ASB10: variants seen among roughly 807,000 people sequenced by gnomAD.
ASB10 encodes the protein ankyrin repeat and SOCS box containing 10.
In ASB10, 44 loss-of-function variants were observed where a neutral mutation model predicts 35.4. That is an observed-to-expected ratio of 1.24 (90% confidence interval 0.98 to 1.60). ASB10 has a LOEUF of 1.60. ASB10 is among the 40% of genes most tolerant of loss of function. The pLI, the probability that ASB10 is intolerant of heterozygous loss-of-function variation, is 0.00. For synonymous variants in ASB10, 294 were observed against 280.4 expected (o/e 1.05, Z -0.49); for missense variants, 647 against 634.3 (o/e 1.02, Z -0.22).
At position 151,176,013 on chromosome 7, in the gene ASB10, G is replaced by A. The variant is rs973524161; in HGVS notation, c.*1-47C>T. ...CAGAGGCTTCTGGTGGTTCGGGGACGGGCCGGTTCTGGCTAGGGCCCTCCC... is the reference window on the plus strand; with the variant it reads ...CAGAGGCTTCTGGTGGTTCGGGGACAGGCCGGTTCTGGCTAGGGCCCTCCC... On this transcript the variant is annotated intron_variant, in intron 5 of 5. Coordinates refer to ENST00000420175, the MANE Select transcript of ASB10 (RefSeq NM_001142459.2). 3.5e-5 allele frequency: 49 copies of A among 1,383,832 alleles called. No homozygotes were observed. The East Asian group carries it at 8.6e-4, about 24-fold the overall frequency. The allele number at this position is 1,383,832 out of a possible 1,614,324, so 85.7% of individuals were successfully genotyped here. A position where few individuals can be genotyped will look rare whatever the true frequency, so the allele number is the denominator to read the frequency against.
At chr7:151,179,091 C>T (rs1369134296) in intron 3 of ASB10, among the ~76,000 whole-genome samples, 1 of 152,202 alleles carries the variant, frequency 6.6e-6, no homozygotes, top group African/African-American at 2.4e-5. Context: ...TGGGATGATG[C>T]CAAGCAGCTT....
chr7:151,176,749 G>T, intron 3 of ASB10, 73 bp from the exon 4 acceptor site: 1 of 1,112,398 alleles, frequency 9.0e-7, no homozygotes, highest in Non-Finnish European at 1.3e-6. Flanking sequence ...AATAGTTGTT[G>T]TGGGTTGAAC....
rs1255123697 is a variant in ASB10, at chr7:151,176,342, GT to G, written c.1219-46del. ...CTCAGTGAGAGGCAGCCTCAGACAG[GT>G]AGCACCGGCTCCTCCTCACAGGGTA... On this transcript the variant is annotated intron_variant, in intron 4 of 5. Transcript: ENST00000420175. 3.1e-5 allele frequency: 47 copies of G among 1,515,378 alleles called. No homozygotes were observed. In the Admixed American group the frequency reaches 8.1e-4, roughly 26 times the overall value. 93.9% of individuals were successfully genotyped at this position (1,515,378 alleles called of 1,614,324 possible).
Position 151,175,839 on chromosome 7 carries a change from A to C in ASB10, c.*128T>G. ...TCCGCTTCTCTGCATTGGGAATTGCAGCATCCACACCTGCCTGCGGAGCTG... is the reference window on the plus strand; with the variant it reads ...TCCGCTTCTCTGCATTGGGAATTGCCGCATCCACACCTGCCTGCGGAGCTG... On this transcript the variant is annotated 3_prime_UTR_variant, in exon 6 of 6. Coordinates refer to ENST00000420175, the MANE Select transcript of ASB10 (RefSeq NM_001142459.2). 1 of 470,896 alleles carries C rather than the reference A, an allele frequency of 2.1e-6. No homozygotes were observed. Among genetic ancestry groups the C allele is most frequent in the East Asian group, 3.7e-5 (1 of 27,300 alleles). The allele number at this position is 470,896 out of a possible 1,614,324, so 29.2% of individuals were successfully genotyped here. A position where few individuals can be genotyped will look rare whatever the true frequency, so the allele number is the denominator to read the frequency against.
rs1336760873 is a variant in ASB10 at position 151,180,941 on chromosome 7, T to G, written c.1102A>C (p.Lys368Gln). ...CCTGCTGCCTGCAGCCCCCATACCT[T>G]GGGGAGGGCCCCTGGCCAGACACGG... is the stretch of plus-strand genomic sequence containing the variant. ...AVRVWPGALPKVLERWSTCPR... is the reference protein window; with the variant it reads ...AVRVWPGALPQVLERWSTCPR... The change falls in exon 3 of 6, where the codon AAG (lysine) becomes CAG (glutamine). Residue 368 changes from lysine to glutamine, a missense_variant and splice_region_variant. By Grantham distance (53) the Lys-to-Gln change is moderately conservative. Coordinates refer to ENST00000420175, the MANE Select transcript of ASB10 (RefSeq NM_001142459.2). The G allele has an allele frequency of 3.9e-6, 6 of 1,527,058 alleles. No individual in the cohort carries two copies. The highest frequency in any genetic ancestry group is 5.3e-6 in the Non-Finnish European group (6 of 1,134,196). The allele number at this position is 1,527,058 out of a possible 1,614,324, so 94.6% of individuals were successfully genotyped here. A position where few individuals can be genotyped will look rare whatever the true frequency, so the allele number is the denominator to read the frequency against.
chr7:151,182,211 C>A (rs1414284534), intron 2 of ASB10, among the ~76,000 whole-genome samples: 1 of 152,080 alleles, frequency 6.6e-6, no homozygotes, highest in African/African-American at 2.4e-5. Flanking sequence ...GATCTGCATG[C>A]TGGGACTGGA....
At position 151,176,165 on chromosome 7, in the gene ASB10, G is replaced by T. The variant is rs773441149; in HGVS notation, c.1351C>A (p.Pro451Thr). ...TGCAGGTAGCGGAGCAGGCGCGGTG[G>T]CAGGGGGAGGCGGGGCAGCGCTTGG... is the stretch of plus-strand genomic sequence containing the variant. ...LPQALPRLPL[P>T]PRLLRYLQLD... is the part of the protein sequence containing the mutation. Residue 451 changes from proline (P) to threonine (T), a missense_variant, in exon 5 of 6, where the codon CCA becomes ACA. Coordinates refer to ENST00000420175, the MANE Select transcript of ASB10 (RefSeq NM_001142459.2). 3.1e-6 allele frequency: 5 copies of T among 1,611,704 alleles called. No homozygotes were observed. The highest frequency in any genetic ancestry group is 1.7e-5 in the Admixed American group (1 of 59,988).
At chr7:151,176,372 TGGTGAGG>T in intron 4 of ASB10, 75 bp from the exon 5 acceptor site, 1 of 1,493,688 alleles carries the variant, frequency 6.7e-7, no homozygotes, top group South Asian at 1.4e-5. Flanking sequence ...CAGGGTAGGC[TGGTGAGG>T]GGTGGGGCAT....
At chr7:151,187,527 A>T (rs972142753), upstream of ASB10, 14 of 1,551,308 alleles carry the variant, frequency 9.0e-6, no homozygotes, top group Admixed American at 3.9e-5. This position sits in a 1 kb window ranked among gnomAD's most constrained non-coding sequence, Gnocchi z 5.3. Context: ...TGCGGGGGGA[A>T]CAGCTCCTGC....
chr7:151,186,994 A>G lies in ASB10; in HGVS notation c.137T>C (p.Ile46Thr), dbSNP rs771272200. The change falls in exon 1 of 6, where the codon ATC (isoleucine) becomes ACC (threonine). Residue 46 changes from isoleucine (I) to threonine (T), a missense_variant. Transcript: ENST00000420175. ...AGGTCCTGAGGCTGTGCGGGTGACG[A>G]TGGGTCCCGGGCCAGACTTGAGGTG... ...EEHLKSGPGPIVTRTASGPAL... is the reference protein window; with the variant it reads ...EEHLKSGPGPTVTRTASGPAL... 2 of 1,611,594 alleles carry G rather than the reference A, an allele frequency of 1.2e-6. No homozygotes were observed. Among genetic ancestry groups the G allele is most frequent in the East Asian group, 2.2e-5 (1 of 44,768 alleles).
chr7:151,179,466 A>G (rs1234522135), intron 3 of ASB10, among the ~76,000 whole-genome samples: 1 of 152,236 alleles, frequency 6.6e-6, no homozygotes, highest in East Asian at 1.9e-4. Context: ...CCATCCTGTT[A>G]GGGAGAGGCT....
At position 151,186,909 on chromosome 7, in the gene ASB10, G is replaced by C; in HGVS notation, c.222C>G (p.Leu74=). The change falls in exon 1 of 6, where the codon CTC becomes CTG. Residue 74 remains leucine (L), a synonymous_variant. Transcript: ENST00000420175. Reference sequence around the variant, plus strand: ...GAGCCAGGCCAGTACTGGAGTCCGCGAGGATGCGGGAGACACAGCCCACGT... The same window carrying C: ...GAGCCAGGCCAGTACTGGAGTCCGCCAGGATGCGGGAGACACAGCCCACGT... ...AGDVGCVSRI[L]ADSSTGLAPD... is the part of the protein sequence containing the mutation. 6.2e-7 allele frequency: 1 copy of C among 1,614,024 alleles called. No homozygotes were observed. Among genetic ancestry groups the C allele is most frequent in the Non-Finnish European group, 8.5e-7 (1 of 1,180,030 alleles).
At position 151,184,371 on chromosome 7, in the gene ASB10, C is replaced by T. The variant is rs571002897; in HGVS notation, c.584+2021G>A. Among the ~76,000 whole-genome samples the T allele has an allele frequency of 4.0e-5, 6 of 150,858 alleles. No homozygotes were observed. The South Asian group carries it at 1.3e-3, about 32-fold the overall frequency. On this transcript the variant is annotated intron_variant, in intron 2 of 5. Coordinates refer to ENST00000420175, the MANE Select transcript of ASB10 (RefSeq NM_001142459.2). ...GAGCTTGCAGTGAGCCGATATCACG[C>T]CACTGCACTCCAGCCTGGGCGACAG... is the stretch of plus-strand genomic sequence containing the variant.
chr7:151,177,510 A>G (rs930370988), intron 3 of ASB10, among the ~76,000 whole-genome samples: 5 of 150,970 alleles, frequency 3.3e-5, no homozygotes, highest in East Asian at 3.9e-4. Context: ...GGGGTCCCTG[A>G]CCTGTGGCTG....
rs1049570696 is a variant in ASB10, at chr7:151,176,771, A to G, written c.1105-95T>C. The G allele has an allele frequency of 1.0e-4, 89 of 872,020 alleles. No individual in the cohort carries two copies. The African/African-American group carries it at 1.3e-3, about 13-fold the overall frequency. The allele number at this position is 872,020 out of a possible 1,614,324, so 54.0% of individuals were successfully genotyped here. A position where few individuals can be genotyped will look rare whatever the true frequency, so the allele number is the denominator to read the frequency against. On this transcript the variant is annotated intron_variant, in intron 3 of 5. Coordinates refer to ENST00000420175, the MANE Select transcript of ASB10 (RefSeq NM_001142459.2). ...GTTGTGGGTTGAACTTTGTTCCCCA[A>G]AAGATATATTGAAGACCTATCCCCC...
Position 151,186,453 on chromosome 7 carries a change from T to C in ASB10, c.523A>G (p.Asn175Asp). The change falls in exon 2 of 6, where the codon AAC becomes GAC. Residue 175 changes from asparagine to aspartate, a missense_variant. By Grantham distance (23) the Asn-to-Asp change is conservative. Transcript: ENST00000420175. ...CGTTTCCCATCCTGGTCAGCGATGT[T>C]GGGGTCGGCTCCTGCCACCAGCAGC... The part of the protein sequence containing the change: ...HVLLVAGADP[N>D]IADQDGKRPL... The C allele has an allele frequency of 3.8e-6, 6 of 1,592,574 alleles. No homozygotes were observed. The highest frequency in any genetic ancestry group is 5.1e-6 in the Non-Finnish European group (6 of 1,169,880).
In ASB10 at chr7:151,181,111, T is replaced by G; in HGVS notation, c.932A>C (p.Glu311Ala). The G allele has an allele frequency of 6.2e-7, 1 of 1,612,200 alleles. No homozygotes were observed. Among genetic ancestry groups the G allele is most frequent in the Non-Finnish European group, 8.5e-7 (1 of 1,179,562 alleles). ...ACRRGHAAVV[E>A]LLLSCGVSAN... Reference sequence around the variant, plus strand: ...GCTGACACCACAGGACAGGAGCAGCTCCACGACAGCTGCATGGCCACGGCG... The same window carrying G: ...GCTGACACCACAGGACAGGAGCAGCGCCACGACAGCTGCATGGCCACGGCG... The change falls in exon 3 of 6, where the codon GAG (glutamate) becomes GCG (alanine). Residue 311 changes from glutamate (E) to alanine (A), a missense_variant. Transcript: ENST00000420175.
At chr7:151,181,769 C>T (rs1381959047) in intron 2 of ASB10, among the ~76,000 whole-genome samples, 8 of 152,040 alleles carry the variant, frequency 5.3e-5, no homozygotes, top group Non-Finnish European at 7.4e-5. Flanking sequence ...CCCACCACCA[C>T]GCCCGGCTAG....
At chr7:151,180,212 C>G (rs1272876867) in intron 3 of ASB10, among the ~76,000 whole-genome samples, 3 of 152,234 alleles carry the variant, frequency 2.0e-5, no homozygotes, top group African/African-American at 2.4e-5. Flanking sequence ...AGACACGACA[C>G]AGCATGGGGC....
Sources: gnomAD v4.1 joint callset for allele counts (sites outside exome capture counted in the v4.1 genomes callset) on GRCh38, gnomAD v4.1.1 for gene constraint, Gnocchi (gnomAD v3.1) non-coding constraint, MANE v1.5 for transcripts, NCBI Gene and HGNC (gene_info 2026-07-23, HGNC 2026-07-21) for gene names.